LHFPL2: variants seen among roughly 807,000 people sequenced by gnomAD.
The protein encoded by LHFPL2 is LHFPL tetraspan subfamily member 2 protein.
A neutral mutation model predicts 17.5 loss-of-function variants in LHFPL2; 7 were observed. The ratio of observed to expected loss-of-function variants is 0.40; its 90% confidence interval spans 0.23 to 0.75. The LOEUF is 0.75. Ranked by LOEUF, LHFPL2 falls within the 30% of genes least tolerant of loss-of-function variation. The pLI is 0.37. For synonymous variants in LHFPL2, 134 were observed against 116.2 expected, an observed-to-expected ratio of 1.15 and a Z score of -0.99; for missense variants, 241 against 294.8, an observed-to-expected ratio of 0.82 and a Z score of 1.34.
chr5:78,569,710 C>T (rs537849541), intron 2 of LHFPL2, among the ~76,000 whole-genome samples: 25 of 152,276 alleles, frequency 1.6e-4, no homozygotes, highest in African/African-American at 5.3e-4. Context: ...GCATGTGAGA[C>T]GCTGGGAACC....
chr5:78,576,158 G>A lies in LHFPL2; in HGVS notation c.-244-11287C>T, dbSNP rs574943804. The stretch of plus-strand genomic sequence containing the variant: ...AAAAAACAAAAAATTCTCCGGGCGT[G>A]GTGGTGGGTGCCTGTAGTCCCAGCT... On this transcript the variant is annotated intron_variant, in intron 2 of 4. Transcript: ENST00000380345. Among the ~76,000 whole-genome samples the A allele has an allele frequency of 2.6e-5, 4 of 152,316 alleles. No homozygotes were observed. The South Asian group carries it at 6.2e-4, about 24-fold the overall frequency.
chr5:78,638,926 C>A (rs1054724093), intron 1 of LHFPL2, among the ~76,000 whole-genome samples: 1 of 152,172 alleles, frequency 6.6e-6, no homozygotes, highest in Non-Finnish European at 1.5e-5. Flanking sequence ...ATACACATCC[C>A]AAACTAGAGG....
At position 78,641,797 on chromosome 5, in the gene LHFPL2, G is replaced by A. The variant is rs115132175; in HGVS notation, c.-350+6702C>T. Among the ~76,000 whole-genome samples, 831 of 151,892 alleles carry A rather than the reference G, an allele frequency of 5.5e-3. 6 individuals are homozygous for A. The highest frequency in any genetic ancestry group is 0.018 in the African/African-American group (740 of 41,424). ...GTGCAGATAACACACCTTTTTAACCGTATTCAATATTTTGTAGACATACAC... is the reference window on the plus strand; with the variant it reads ...GTGCAGATAACACACCTTTTTAACCATATTCAATATTTTGTAGACATACAC... On this transcript the variant is annotated intron_variant, in intron 1 of 4. Transcript: ENST00000380345.
At chr5:78,601,505 C>T (rs1424726431) in intron 2 of LHFPL2, among the ~76,000 whole-genome samples, 2 of 152,162 alleles carry the variant, frequency 1.3e-5, no homozygotes, top group Non-Finnish European at 2.9e-5. Flanking sequence ...CAGCCTCCCC[C>T]AAAAGGAACT....
chr5:78,591,979 G>A (rs1398870428), intron 2 of LHFPL2, among the ~76,000 whole-genome samples: 1 of 152,224 alleles, frequency 6.6e-6, no homozygotes, highest in Non-Finnish European at 1.5e-5. Flanking sequence ...CAGAGCTGGC[G>A]CAGGAGGGCT....
At chr5:78,582,594 T>C (rs1449379832) in intron 2 of LHFPL2, among the ~76,000 whole-genome samples, 5 of 151,212 alleles carry the variant, frequency 3.3e-5, no homozygotes, top group Non-Finnish European at 4.4e-5. Context: ...AGTTGAGCGG[T>C]TTTGAGTGAG....
rs1755823460 is a variant in LHFPL2, at chr5:78,532,747, CA to C, written c.-185-22350del. Among the ~76,000 whole-genome samples, 5 of 151,636 alleles carry C rather than the reference CA, an allele frequency of 3.3e-5. No individual in the cohort carries two copies. The South Asian group carries it at 1.0e-3, about 32-fold the overall frequency. On this transcript the variant is annotated intron_variant, in intron 3 of 4. Coordinates refer to ENST00000380345, the MANE Select transcript of LHFPL2 (RefSeq NM_005779.3). ...AATGCCACCGAGATGCCACTTTTTC[CA>C]TCTTATTAACCAAAACACCAGCCTT...
At chr5:78,581,697 T>C (rs1285281249) in intron 2 of LHFPL2, among the ~76,000 whole-genome samples, 1 of 152,220 alleles carries the variant, frequency 6.6e-6, no homozygotes, top group African/African-American at 2.4e-5. Context: ...TTTCCCAGTA[T>C]TTTATTGAGG....
chr5:78,582,139 C>T (rs1743170086), intron 2 of LHFPL2, among the ~76,000 whole-genome samples: 1 of 152,058 alleles, frequency 6.6e-6, no homozygotes, highest in Admixed American at 6.6e-5. Context: ...TGGTGATACC[C>T]CTTTATCATT....
At position 78,488,637 on chromosome 5, in the gene LHFPL2, G is replaced by GAGTC; in HGVS notation, c.*256_*259dup. The GAGTC allele has an allele frequency of 2.1e-6, 1 of 474,384 alleles. No individual in the cohort carries two copies. The allele number at this position is 474,384 out of a possible 1,614,324, so 29.4% of individuals were successfully genotyped here. On this transcript the variant is annotated 3_prime_UTR_variant, in exon 5 of 5. Coordinates refer to ENST00000380345, the MANE Select transcript of LHFPL2 (RefSeq NM_005779.3). Reference sequence around the variant, plus strand: ...TCCTTCATTGAACCTGGGGGAGATGGAGTCTGACAGAACTTGGCAACTCCA... The same window carrying GAGTC: ...TCCTTCATTGAACCTGGGGGAGATGGAGTCAGTCTGACAGAACTTGGCAACTCCA...
chr5:78,587,947 C>G (rs1412307744), intron 2 of LHFPL2, among the ~76,000 whole-genome samples: 1 of 152,200 alleles, frequency 6.6e-6, no homozygotes, highest in Non-Finnish European at 1.5e-5. Context: ...GGTCCCAGGG[C>G]CAGTTCATGT....
At chr5:78,600,473 A>G (rs1743973555) in intron 2 of LHFPL2, among the ~76,000 whole-genome samples, 1 of 152,206 alleles carries the variant, frequency 6.6e-6, no homozygotes, top group Non-Finnish European at 1.5e-5. Flanking sequence ...TCACACCTGT[A>G]ATCCCAGCAC....
chr5:78,609,333 C>T (rs1415214559), intron 2 of LHFPL2, among the ~76,000 whole-genome samples: 1 of 151,682 alleles, frequency 6.6e-6, no homozygotes, highest in Non-Finnish European at 1.5e-5. Context: ...GGCCTGTAAT[C>T]CCAGCTATTT....
At chr5:78,532,993 G>A (rs6453400) in intron 3 of LHFPL2, among the ~76,000 whole-genome samples, 64,865 of 151,982 alleles carry the variant, frequency 0.43, 14,003 homozygotes, top group Middle Eastern at 0.48. Context: ...CAGACTGGGC[G>A]GTGGCCACTG....
At chr5:78,492,329 C>T (rs1242986327) in intron 4 of LHFPL2, among the ~76,000 whole-genome samples, 3 of 152,192 alleles carry the variant, frequency 2.0e-5, no homozygotes, top group Non-Finnish European at 4.4e-5. Context: ...ATTATATGTG[C>T]ACTTTAATAT....
At chr5:78,603,994 G>A (rs552319730) in intron 2 of LHFPL2, among the ~76,000 whole-genome samples, 53 of 151,924 alleles carry the variant, frequency 3.5e-4, no homozygotes, top group African/African-American at 1.2e-3. Context: ...TGGGCAACAC[G>A]GCAAGACCCT....
At chr5:78,591,591 A>G (rs1743628219) in intron 2 of LHFPL2, among the ~76,000 whole-genome samples, 1 of 152,212 alleles carries the variant, frequency 6.6e-6, no homozygotes, top group South Asian at 2.1e-4. Context: ...CAACTCTGAG[A>G]AAATGTTTGT....
intron 2 of LHFPL2, among the ~76,000 whole-genome samples, chr5:78,602,977 G>T (rs1006870347): frequency 3.3e-5 from 5 of 152,070 alleles, no homozygotes; most frequent in African/African-American, 1.2e-4. Context: ...TGCAACCTTC[G>T]CCTCCTGGGT....
intron 2 of LHFPL2, among the ~76,000 whole-genome samples, chr5:78,571,646 T>C (rs1757003457): frequency 6.6e-6 from 1 of 152,128 alleles, no homozygotes; most frequent in Non-Finnish European, 1.5e-5. Flanking sequence ...ATCACAGATA[T>C]TCATACTCAT....
Sources: gnomAD v4.1 joint callset for allele counts (sites outside exome capture counted in the v4.1 genomes callset) on GRCh38, gnomAD v4.1.1 for gene constraint, MANE v1.5 for transcripts, NCBI Gene and HGNC (gene_info 2026-07-23, HGNC 2026-07-21) for gene names.